Variants in ARHGEF6 observed in about 807,000 individuals in gnomAD.
The protein encoded by ARHGEF6 is rho guanine nucleotide exchange factor 6.
ARHGEF6 carries 9 observed loss-of-function variants against 70.3 expected under a neutral mutation model. That is an observed-to-expected ratio of 0.13 (90% confidence interval 0.08 to 0.22). ARHGEF6 has a LOEUF of 0.22. ARHGEF6 is among the 10% of genes least tolerant of loss of function. The pLI is 1.00. For missense variants in ARHGEF6, 470 were observed against 563.0 expected, an observed-to-expected ratio of 0.83 and a Z score of 1.67; for synonymous variants, 201 against 207.8, an observed-to-expected ratio of 0.97 and a Z score of 0.28.
At chrX:136,684,015 G>C (rs1223038492) in intron 12 of ARHGEF6, among the ~76,000 whole-genome samples, 1 of 111,469 alleles carries the variant, frequency 9.0e-6, no homozygotes, top group Non-Finnish European at 1.9e-5. Flanking sequence ...ACATTTTATT[G>C]GCAAATTACT....
chrX:136,721,274 C>G (rs1250389964), intron 6 of ARHGEF6, among the ~76,000 whole-genome samples: 1 of 112,200 alleles, frequency 8.9e-6, no homozygotes, highest in Non-Finnish European at 1.9e-5. Context: ...TATAAAAACA[C>G]AATGGAGGCT....
rs752542840 is a variant in ARHGEF6 at position 136,740,542 on chromosome X, G to C, written c.661+3043C>G. Among the ~76,000 whole-genome samples the C allele has an allele frequency of 2.7e-5, 3 of 111,653 alleles. No homozygotes were observed. The South Asian group carries it at 1.1e-3, about 42-fold the overall frequency. On this transcript the variant is annotated intron_variant, in intron 5 of 21. Coordinates refer to ENST00000250617, the MANE Select transcript of ARHGEF6 (RefSeq NM_004840.3). ...TTAGATGCTTCTAAGGGTTACCTAA[G>C]TGCTCAAGTCAGAGTCGGAGCTTGC... is the stretch of plus-strand genomic sequence containing the variant.
chrX:136,685,931 T>G (rs1342159339), intron 11 of ARHGEF6, 108 bp from the exon 12 acceptor site: 5 of 849,769 alleles, frequency 5.9e-6, no homozygotes, highest in Non-Finnish European at 6.9e-6. Context: ...ACTGAGTCCC[T>G]ATTCCTCATC....
chrX:136,674,969 A>G (rs1317632946), intron 19 of ARHGEF6, 38 bp downstream of exon 19: 1 of 1,141,326 alleles, frequency 8.8e-7, no homozygotes, highest in South Asian at 1.8e-5. Context: ...TAAGGAAGAA[A>G]CGTCACTCAC....
At chrX:136,766,134 G>A (rs1290394268) in intron 2 of ARHGEF6, among the ~76,000 whole-genome samples, 2 of 111,460 alleles carry the variant, frequency 1.8e-5, no homozygotes, top group Non-Finnish European at 3.8e-5. Context: ...CACAAGGGCA[G>A]GCCCAGGCCT....
intron 11 of ARHGEF6, among the ~76,000 whole-genome samples, chrX:136,686,664 G>A (rs867055719): frequency 5.4e-4 from 28 of 52,055 alleles, no homozygotes; most frequent in Admixed American, 7.3e-4. Flanking sequence ...ATATACACAT[G>A]TGTATATATA....
At chrX:136,693,789 T>G (rs2076482183) in intron 9 of ARHGEF6, among the ~76,000 whole-genome samples, 1 of 111,510 alleles carries the variant, frequency 9.0e-6, no homozygotes, top group African/African-American at 3.3e-5. Context: ...GTTTCTAATT[T>G]GAATGATCAT....
intron 5 of ARHGEF6, among the ~76,000 whole-genome samples, chrX:136,734,238 T>C (rs928514653): frequency 1.8e-5 from 2 of 111,834 alleles, no homozygotes; most frequent in Admixed American, 9.5e-5. Flanking sequence ...TTTATGCTAG[T>C]TCAGGATCCG....
intron 19 of ARHGEF6, among the ~76,000 whole-genome samples, chrX:136,673,390 G>C (rs990238392): frequency 8.9e-6 from 1 of 111,800 alleles, no homozygotes; most frequent in Non-Finnish European, 1.9e-5. Context: ...GGTTAGAGAG[G>C]GATAGAGGAT....
chrX:136,685,087 T>G (rs773030175), intron 12 of ARHGEF6, among the ~76,000 whole-genome samples: 1 of 111,696 alleles, frequency 9.0e-6, no homozygotes. Flanking sequence ...TTGCTTCTTT[T>G]GCTCCCTACA....
At chrX:136,722,940 C>T (rs1002571064) in intron 6 of ARHGEF6, among the ~76,000 whole-genome samples, 4 of 112,555 alleles carry the variant, frequency 3.6e-5, no homozygotes, top group Admixed American at 9.4e-5. Context: ...CTGGTCTAAC[C>T]ATACAATGGA....
Position 136,666,307 on chromosome X carries a change from A to G in ARHGEF6, c.*1722T>C, listed in dbSNP as rs899184088. 8.9e-6 allele frequency: 1 copy of G among 112,410 alleles called. No homozygotes were observed. Among genetic ancestry groups the G allele is most frequent in the East Asian group, 2.8e-4 (1 of 3,608 alleles). 9.3% of individuals were successfully genotyped at this position (112,410 alleles called of 1,213,427 possible). A position where few individuals can be genotyped will look rare whatever the true frequency, so the allele number is the denominator to read the frequency against. On this transcript the variant is annotated 3_prime_UTR_variant, in exon 22 of 22. Coordinates refer to ENST00000250617, the MANE Select transcript of ARHGEF6 (RefSeq NM_004840.3). The stretch of plus-strand genomic sequence containing the variant: ...GTAGCTATGGGACCTTGAGACTCTC[A>G]GTACCAAAAATAAAAAGGGCTCCTC...
intron 2 of ARHGEF6, among the ~76,000 whole-genome samples, chrX:136,759,987 C>T (rs770094895): frequency 8.9e-6 from 1 of 112,103 alleles, no homozygotes; most frequent in South Asian, 3.7e-4. Flanking sequence ...TCTCTAAGCC[C>T]ATACATCTCT....
In ARHGEF6 at chrX:136,685,959, G is replaced by A; in HGVS notation, c.1246-136C>T. The A allele has an allele frequency of 5.9e-6, 4 of 677,358 alleles. No homozygotes were observed. In the South Asian group the frequency reaches 8.0e-5, roughly 14 times the overall value. The allele number at this position is 677,358 out of a possible 1,213,427, so 55.8% of individuals were successfully genotyped here. A position where few individuals can be genotyped will look rare whatever the true frequency, so the allele number is the denominator to read the frequency against. Reference sequence around the variant, plus strand: ...TCCTCATCATGAATCCCATGACCCAGGCCTGTTCTTGATAGACAGAAAGAT... The same window carrying A: ...TCCTCATCATGAATCCCATGACCCAAGCCTGTTCTTGATAGACAGAAAGAT... On this transcript the variant is annotated intron_variant, in intron 11 of 21. Transcript: ENST00000250617.
chrX:136,746,273 C>T (rs1392156844), intron 3 of ARHGEF6, among the ~76,000 whole-genome samples: 1 of 112,250 alleles, frequency 8.9e-6, no homozygotes, highest in Non-Finnish European at 1.9e-5. Flanking sequence ...ACGATCCTCC[C>T]TGACTAGAAC....
intron 6 of ARHGEF6, among the ~76,000 whole-genome samples, chrX:136,727,345 C>CTT (rs1234828855): frequency 2.3e-5 from 1 of 44,321 alleles, no homozygotes; most frequent in Non-Finnish European, 4.0e-5. Flanking sequence ...TTCTTTCTTT[C>CTT]TTTCTTTCTT....
intron 9 of ARHGEF6, among the ~76,000 whole-genome samples, chrX:136,694,344 C>A (rs1417730835): frequency 8.9e-6 from 1 of 112,169 alleles, no homozygotes; most frequent in African/African-American, 3.2e-5. Flanking sequence ...TGAGCCACCG[C>A]GCCCGGCCTT....
intron 12 of ARHGEF6, among the ~76,000 whole-genome samples, chrX:136,684,419 C>T (rs1201322254): frequency 8.9e-6 from 1 of 112,016 alleles, no homozygotes; most frequent in Non-Finnish European, 1.9e-5. Context: ...CCGCCAAAGA[C>T]GTGTCAGAGA....
At chrX:136,749,202 T>G (rs5930985) in intron 2 of ARHGEF6, among the ~76,000 whole-genome samples, 32,178 of 110,828 alleles carry the variant, frequency 0.29, 3,527 homozygotes, top group Middle Eastern at 0.4. Flanking sequence ...TGTTTTAGTT[T>G]GTCAAAGCCT....
Sources: gnomAD v4.1 joint callset for allele counts (sites outside exome capture counted in the v4.1 genomes callset) on GRCh38, gnomAD v4.1.1 for gene constraint, MANE v1.5 for transcripts, NCBI Gene and HGNC (gene_info 2026-07-23, HGNC 2026-07-21) for gene names.